Variants in RPA1 observed in about 807,000 individuals in gnomAD.
RPA1 encodes replication protein A1.
Under a neutral mutation model 83.0 loss-of-function variants are expected in RPA1, and 49 were observed. The ratio of observed to expected loss-of-function variants is 0.59; its 90% CI spans 0.47 to 0.75. The LOEUF is 0.75. Ranked by LOEUF, RPA1 falls within the 30% of genes least tolerant of loss-of-function variation. The probability of loss-of-function intolerance (pLI) is 0.00; values close to 1 mark genes in which losing one functional copy is unlikely to be tolerated. For missense variants in RPA1, 693 were observed against 776.1 expected (o/e 0.89, Z 1.27); for synonymous variants, 279 against 281.8 (o/e 0.99, Z 0.10).
intron 14 of RPA1, among the ~76,000 whole-genome samples, chr17:1,890,012 A>T (rs1480412954): frequency 5.3e-5 from 8 of 152,122 alleles, no homozygotes; most frequent in Admixed American, 1.3e-4. Flanking sequence ...AGAAAAGAGA[A>T]AAAGAAAACA....
chr17:1,894,014 C>G (rs1285288605), intron 15 of RPA1, among the ~76,000 whole-genome samples: 1 of 148,700 alleles, frequency 6.7e-6, no homozygotes. Flanking sequence ...GTACACGCCA[C>G]CATACCTGGC....
At chr17:1,851,124 ACAT>A (rs1489010424) in intron 4 of RPA1, among the ~76,000 whole-genome samples, 2 of 152,118 alleles carry the variant, frequency 1.3e-5, no homozygotes, top group Non-Finnish European at 2.9e-5. Context: ...TAAATCTCAG[ACAT>A]CATATTATTT....
Position 1,888,778 on chromosome 17 carries a change from A to G in RPA1, c.1478A>G (p.Gln493Arg), listed in dbSNP as rs1274906394. The G allele has an allele frequency of 1.2e-6, 2 of 1,614,246 alleles. No homozygotes were observed. The highest frequency in any genetic ancestry group is 1.7e-6 in the Non-Finnish European group (2 of 1,180,042). ...GACTGCAATAAGAAAGTGATTGATC[A>G]ACAGAATGGATTGTACCGCTGTGAG... The part of the protein sequence containing the change: ...TQDCNKKVID[Q>R]QNGLYRCEKC... The change falls in exon 14 of 17, where the codon CAA (glutamine) becomes CGA (arginine). Residue 493 changes from glutamine to arginine, a missense_variant. By Grantham distance (43) the Gln-to-Arg change is conservative. Transcript: ENST00000254719.
At position 1,853,367 on chromosome 17, in the gene RPA1, A is replaced by G. The variant is rs946070365; in HGVS notation, c.361+178A>G. Reference sequence around the variant, plus strand: ...AGTTCTAAAGAAATGATGTATGAAGAAAGGGCACAATTAGAAAGCAATGGA... The same window carrying G: ...AGTTCTAAAGAAATGATGTATGAAGGAAGGGCACAATTAGAAAGCAATGGA... On this transcript the variant is annotated intron_variant, in intron 5 of 16. Coordinates refer to ENST00000254719, the MANE Select transcript of RPA1 (RefSeq NM_002945.5). Among the ~76,000 whole-genome samples the G allele has an allele frequency of 3.7e-4, 57 of 152,200 alleles. 2 individuals are homozygous for G. Among genetic ancestry groups the G allele is most frequent in the Admixed American group, 2.5e-3 (38 of 15,264 alleles).
intron 1 of RPA1, among the ~76,000 whole-genome samples, chr17:1,833,744 C>T (rs1443172680): frequency 1.3e-5 from 2 of 152,092 alleles, no homozygotes; most frequent in East Asian, 1.9e-4. Context: ...ATCCCAGCTA[C>T]TTGGGAGGCT....
rs186745710 is a variant in RPA1, at chr17:1,840,662, C to T, written c.34-2141C>T. ...TGAGCTCAAGCGATCCTCCTGCTTCCGTCTCCGAAATGCTGGGATTATAGG... is the reference window on the plus strand; with the variant it reads ...TGAGCTCAAGCGATCCTCCTGCTTCTGTCTCCGAAATGCTGGGATTATAGG... On this transcript the variant is annotated intron_variant, in intron 1 of 16. Transcript: ENST00000254719. Among the ~76,000 whole-genome samples, 272 of 152,308 alleles carry T rather than the reference C, an allele frequency of 1.8e-3. 1 individual carries two copies. The highest frequency in any genetic ancestry group is 6.4e-3 in the African/African-American group (265 of 41,574).
At chr17:1,854,725 G>A (rs548650023) in intron 5 of RPA1, among the ~76,000 whole-genome samples, 1 of 152,280 alleles carries the variant, frequency 6.6e-6, no homozygotes, top group African/African-American at 2.4e-5. Context: ...AAAATTAAAA[G>A]TGTGTAAACT....
rs143105728 is a variant in RPA1, at chr17:1,888,838, G to T, written c.1538G>T (p.Arg513Leu). Residue 513 changes from arginine (R) to leucine (L), a missense_variant, in exon 14 of 17, where the codon CGC becomes CTC. Arg to Leu is a moderately radical substitution (Grantham distance 102). Coordinates refer to ENST00000254719, the MANE Select transcript of RPA1 (RefSeq NM_002945.5). The stretch of plus-strand genomic sequence containing the variant: ...ACCGAATTTCCCAATTTCAAGTACC[G>T]CATGATCCTGTCAGTAAGTAGCCTC... ...CDTEFPNFKY[R>L]MILSVNIADF... 1.9e-6 allele frequency: 3 copies of T among 1,612,948 alleles called. No individual in the cohort carries two copies. Among genetic ancestry groups the T allele is most frequent in the African/African-American group, 1.3e-5 (1 of 74,892 alleles).
chr17:1,891,036 C>G (rs189102558), intron 14 of RPA1, among the ~76,000 whole-genome samples: 2 of 152,258 alleles, frequency 1.3e-5, no homozygotes, highest in African/African-American at 4.8e-5. Context: ...TATTTTTCGT[C>G]ATAACATTCT....
At chr17:1,867,337 TTGTG>T (rs71150830) in intron 5 of RPA1, among the ~76,000 whole-genome samples, 3 of 151,010 alleles carry the variant, frequency 2.0e-5, no homozygotes, top group East Asian at 3.9e-4. Flanking sequence ...TTTCTAGTGT[TTGTG>T]TGTGTGTGTG....
At chr17:1,848,490 A>T (rs1912350874) in intron 4 of RPA1, among the ~76,000 whole-genome samples, 1 of 151,754 alleles carries the variant, frequency 6.6e-6, no homozygotes. Context: ...ACATGCCTGT[A>T]ATCCCAGCTA....
intron 3 of RPA1, 76 bp downstream of exon 3, chr17:1,844,074 A>G: frequency 7.5e-7 from 1 of 1,327,026 alleles, no homozygotes; most frequent in African/African-American, 1.5e-5. Context: ...TGGTTGCCAT[A>G]ATTTGGGGGC....
intron 5 of RPA1, among the ~76,000 whole-genome samples, chr17:1,865,107 G>A (rs926742037): frequency 2.6e-5 from 4 of 152,150 alleles, no homozygotes; most frequent in African/African-American, 9.7e-5. Context: ...CAGCACAATC[G>A]CAGAATGTTG....
At chr17:1,885,051 C>T (rs1458660251) in intron 13 of RPA1, among the ~76,000 whole-genome samples, 2 of 152,114 alleles carry the variant, frequency 1.3e-5, no homozygotes, top group African/African-American at 2.4e-5. Context: ...CCATAGCCGG[C>T]GATGCTGTTT....
chr17:1,847,539 TTTA>T (rs1912308400), intron 4 of RPA1, among the ~76,000 whole-genome samples: 2 of 152,140 alleles, frequency 1.3e-5, no homozygotes, highest in African/African-American at 2.4e-5. Context: ...TGCGGCTGGG[TTTA>T]TTTACTCCTT....
At chr17:1,893,915 G>A (rs1050565432) in intron 15 of RPA1, among the ~76,000 whole-genome samples, 3 of 151,696 alleles carry the variant, frequency 2.0e-5, no homozygotes, top group Admixed American at 6.6e-5. Flanking sequence ...TTGGAGCGCC[G>A]TGGTGTGCGA....
Position 1,836,110 on chromosome 17 carries a change from T to A in RPA1, c.33+5984T>A, listed in dbSNP as rs72822495. ...GCTTACGTATAGTAAATTGCACCTT[T>A]TTTATTTATTTATTTATTTATTTGA... On this transcript the variant is annotated intron_variant, in intron 1 of 16. Coordinates refer to ENST00000254719, the MANE Select transcript of RPA1 (RefSeq NM_002945.5). 8.8e-3 allele frequency among the ~76,000 whole-genome samples: 1,334 copies of A among 151,828 alleles called. 20 individuals carry two copies. Among genetic ancestry groups the A allele is most frequent in the African/African-American group, 0.03 (1,229 of 41,412 alleles).
At chr17:1,866,383 C>T (rs575847457) in intron 5 of RPA1, among the ~76,000 whole-genome samples, 15 of 152,034 alleles carry the variant, frequency 9.9e-5, no homozygotes, top group East Asian at 1.9e-4. Flanking sequence ...GGCGCAATCT[C>T]GGCTCAGTGC....
rs150858518 is a variant in RPA1 at position 1,869,505 on chromosome 17, T to A, written c.362-2929T>A. ...GTGAGCCGAGATGGCGCCGTTGCAC[T>A]CCAGCCTGGGTAACAAGAGCGAGAC... On this transcript the variant is annotated intron_variant, in intron 5 of 16. Transcript: ENST00000254719. Among the ~76,000 whole-genome samples the A allele has an allele frequency of 3.4e-3, 519 of 150,474 alleles. 3 individuals are homozygous for A. Among genetic ancestry groups the A allele is most frequent in the Non-Finnish European group, 6.4e-3 (434 of 67,832 alleles).
Sources: gnomAD v4.1 joint callset for allele counts (sites outside exome capture counted in the v4.1 genomes callset) on GRCh38, gnomAD v4.1.1 for gene constraint, MANE v1.5 for transcripts, NCBI Gene and HGNC (gene_info 2026-07-23, HGNC 2026-07-21) for gene names.